The following C1orf21 variants were observed in gnomAD, a reference collection of about 807,000 sequenced individuals.
C1orf21 encodes uncharacterized protein C1orf21.
In C1orf21, 3 loss-of-function variants were observed where a neutral mutation model predicts 18.7. The observed-to-expected ratio is 0.16, with a 90% CI of 0.07 to 0.42. The LOEUF is 0.42. C1orf21 is among the 10% of genes least tolerant of loss of function. C1orf21 has a pLI of 0.99. For synonymous variants in C1orf21, 41 were observed against 46.4 expected (o/e 0.88, Z 0.47); for missense variants, 104 against 143.6 (o/e 0.72, Z 1.41).
intron 3 of C1orf21, among the ~76,000 whole-genome samples, chr1:184,565,826 A>G (rs950731226): frequency 3.9e-5 from 6 of 152,248 alleles, no homozygotes; most frequent in African/African-American, 1.4e-4. Flanking sequence ...CTGTTGTTCA[A>G]TAGATTACAT....
chr1:184,489,692 T>G (rs1185266533), intron 2 of C1orf21, among the ~76,000 whole-genome samples: 12 of 152,248 alleles, frequency 7.9e-5, no homozygotes. Flanking sequence ...TTTATTGATA[T>G]GGCAAAAGGT....
rs143599854 is a variant in C1orf21 at position 184,621,624 on chromosome 1, C to G, written c.*2068C>G. 1 of 152,314 alleles carries G rather than the reference C, an allele frequency of 6.6e-6. No homozygotes were observed. Among genetic ancestry groups the G allele is most frequent in the Non-Finnish European group, 1.5e-5 (1 of 68,036 alleles). 9.4% of individuals were successfully genotyped at this position (152,314 alleles called of 1,614,324 possible). ...ACGTCTTCCATTTGACTTCTCTACTCGGTGTCTCAGACAGTGTCTTCCCAG... is the reference window on the plus strand; with the variant it reads ...ACGTCTTCCATTTGACTTCTCTACTGGGTGTCTCAGACAGTGTCTTCCCAG... On this transcript the variant is annotated 3_prime_UTR_variant, in exon 6 of 6. Coordinates refer to ENST00000235307, the MANE Select transcript of C1orf21 (RefSeq NM_030806.4).
At chr1:184,436,125 G>C (rs1415459280) in intron 1 of C1orf21, among the ~76,000 whole-genome samples, 1 of 152,058 alleles carries the variant, frequency 6.6e-6, no homozygotes, top group Non-Finnish European at 1.5e-5. Context: ...CAGGAGAAGG[G>C]AAAATTGCAG....
intron 3 of C1orf21, chr1:184,567,080 G>T: frequency 4.1e-6 from 2 of 488,546 alleles, no homozygotes; most frequent in Non-Finnish European, 4.1e-6. Flanking sequence ...CCTTGAGAAA[G>T]ACAGTCAGGT....
intron 3 of C1orf21, among the ~76,000 whole-genome samples, chr1:184,554,062 A>G (rs1326155401): frequency 1.3e-5 from 2 of 152,246 alleles, no homozygotes; most frequent in African/African-American, 4.8e-5. Context: ...CAGTTCAGTC[A>G]TAAACCTTAT....
At chr1:184,611,392 A>C (rs189302980) in intron 5 of C1orf21, among the ~76,000 whole-genome samples, 2 of 152,300 alleles carry the variant, frequency 1.3e-5, no homozygotes, top group Admixed American at 1.3e-4. Context: ...CTACAGGAGG[A>C]GGGCCCTGCA....
intron 3 of C1orf21, among the ~76,000 whole-genome samples, chr1:184,560,054 C>T (rs529448584): frequency 2.0e-5 from 3 of 152,212 alleles, no homozygotes; most frequent in East Asian, 3.9e-4. Flanking sequence ...GCCCAGCCCT[C>T]GGGTTTCTCC....
chr1:184,627,729 T>A lies in C1orf21; in HGVS notation c.*8173T>A, dbSNP rs570150572. The stretch of plus-strand genomic sequence containing the variant: ...ATTAGAATTTGTCCAGCGGTAATCC[T>A]GATGCTGGAAACCAACAAACATTTG... On this transcript the variant is annotated 3_prime_UTR_variant, in exon 6 of 6. Transcript: ENST00000235307. The A allele has an allele frequency of 6.6e-6, 1 of 152,372 alleles. No homozygotes were observed. Among genetic ancestry groups the A allele is most frequent in the South Asian group, 2.1e-4 (1 of 4,828 alleles). 9.4% of individuals were successfully genotyped at this position (152,372 alleles called of 1,614,324 possible).
chr1:184,512,430 C>T (rs1430818241), intron 3 of C1orf21, among the ~76,000 whole-genome samples: 1 of 152,176 alleles, frequency 6.6e-6, no homozygotes, highest in African/African-American at 2.4e-5. Flanking sequence ...CTCTTGACAT[C>T]AGGGCTGTGC....
intron 1 of C1orf21, among the ~76,000 whole-genome samples, chr1:184,416,421 A>G (rs899980626): frequency 6.6e-6 from 1 of 152,144 alleles, no homozygotes; most frequent in Non-Finnish European, 1.5e-5. Context: ...TTAATTTATT[A>G]TATATGTGCC....
At chr1:184,580,707 G>A (rs1388268170) in intron 3 of C1orf21, among the ~76,000 whole-genome samples, 1 of 152,156 alleles carries the variant, frequency 6.6e-6, no homozygotes, top group Non-Finnish European at 1.5e-5. Context: ...CCATAAATTT[G>A]TGTTTGTTCT....
At chr1:184,519,149 G>A (rs913308840) in intron 3 of C1orf21, among the ~76,000 whole-genome samples, 2 of 152,098 alleles carry the variant, frequency 1.3e-5, no homozygotes, top group African/African-American at 4.8e-5. Flanking sequence ...TTAAAGATTG[G>A]GGTGTTGATA....
chr1:184,463,681 C>A (rs1311544585), intron 1 of C1orf21, among the ~76,000 whole-genome samples: 1 of 152,192 alleles, frequency 6.6e-6, no homozygotes, highest in African/African-American at 2.4e-5. Flanking sequence ...TATAGAACAA[C>A]AGTGAAGATG....
Position 184,482,321 on chromosome 1 carries a change from G to A in C1orf21, c.94+4718G>A, listed in dbSNP as rs117344723. The stretch of plus-strand genomic sequence containing the variant: ...CCAAGAGAAAAAGTGGAAGCTGCCA[G>A]GCCTCTTAGGACCTGAGCTTGAAAG... On this transcript the variant is annotated intron_variant, in intron 2 of 5. Transcript: ENST00000235307. Among the ~76,000 whole-genome samples the A allele has an allele frequency of 1.6e-4, 24 of 152,304 alleles. No individual in the cohort carries two copies. The East Asian group carries it at 4.3e-3, about 27-fold the overall frequency.
chr1:184,540,780 T>C (rs1426192442), intron 3 of C1orf21, among the ~76,000 whole-genome samples: 3 of 152,012 alleles, frequency 2.0e-5, no homozygotes, highest in Non-Finnish European at 4.4e-5. Flanking sequence ...TAAAAAGTTA[T>C]TTTTGTAGTT....
intron 1 of C1orf21, among the ~76,000 whole-genome samples, chr1:184,459,096 C>T (rs1221357629): frequency 6.6e-6 from 1 of 152,174 alleles, no homozygotes; most frequent in African/African-American, 2.4e-5. Flanking sequence ...ATCTTGATCC[C>T]TGTCTGGGGA....
chr1:184,477,587 C>T lies in C1orf21; in HGVS notation c.78C>T (p.Asn26=), dbSNP rs146574905. The part of the protein sequence containing the change: ...EEAQKGKNYQ[N]GDVFGDEYRI... ...CCCAGAAAGGGAAAAACTACCAGAA[C>T]GGAGATGTGTTTGGCGGTGAGTCCT... Residue 26 remains asparagine, a synonymous_variant, in exon 2 of 6, where the codon AAC becomes AAT. Transcript: ENST00000235307. 18 of 1,613,926 alleles carry T rather than the reference C, an allele frequency of 1.1e-5. No homozygotes were observed. The East Asian group carries it at 1.6e-4, about 14-fold the overall frequency.
chr1:184,531,876 G>A (rs1227728835), intron 3 of C1orf21, among the ~76,000 whole-genome samples: 3 of 152,066 alleles, frequency 2.0e-5, no homozygotes, highest in Non-Finnish European at 2.9e-5. Context: ...ATCTTGGCCC[G>A]ACCACATGGT....
Position 184,624,372 on chromosome 1 carries a change from C to T in C1orf21, c.*4816C>T, listed in dbSNP as rs1251431390. 2 of 152,546 alleles carry T rather than the reference C, an allele frequency of 1.3e-5. No individual in the cohort carries two copies. The highest frequency in any genetic ancestry group is 2.9e-5 in the Non-Finnish European group (2 of 68,064). 9.4% of individuals were successfully genotyped at this position (152,546 alleles called of 1,614,324 possible). A position where few individuals can be genotyped will look rare whatever the true frequency, so the allele number is the denominator to read the frequency against. ...TTTGGGAATTTAGGCACACGTTTCT[C>T]TCCTTGGAATCCTTCTAGCATCTGG... On this transcript the variant is annotated 3_prime_UTR_variant, in exon 6 of 6. Transcript: ENST00000235307.
Sources: allele counts gnomAD v4.1 joint callset (sites outside exome capture counted in the v4.1 genomes callset), GRCh38; gene constraint gnomAD v4.1.1; transcripts MANE v1.5; gene names NCBI Gene and HGNC (gene_info 2026-07-23, HGNC 2026-07-21).